CNTN5: variants seen among roughly 807,000 people sequenced by gnomAD.
CNTN5 encodes contactin 5.
A neutral mutation model predicts 129.1 loss-of-function variants in CNTN5; 77 were observed. The observed-to-expected ratio is 0.60, with a 90% confidence interval of 0.50 to 0.72. CNTN5 has a LOEUF of 0.72. Ranked by LOEUF, CNTN5 falls within the 30% of genes least tolerant of loss-of-function variation. The pLI is 0.00. For synonymous variants in CNTN5, 509 were observed against 465.6 expected (o/e 1.09, Z -1.20); for missense variants, 1,478 against 1,328.8 (o/e 1.11, Z -1.75).
chr11:99,396,911 C>A (rs1941554868), intron 2 of CNTN5, among the ~76,000 whole-genome samples: 1 of 151,556 alleles, frequency 6.6e-6, no homozygotes, highest in Admixed American at 6.6e-5. Flanking sequence ...TTTGGTATGC[C>A]TTTAATATGC....
chr11:99,710,976 A>AT (rs1251835870), intron 3 of CNTN5, among the ~76,000 whole-genome samples: 1 of 151,924 alleles, frequency 6.6e-6, no homozygotes, highest in African/African-American at 2.4e-5. Context: ...GCAAAGGAAA[A>AT]TTTTTTAGTA....
At chr11:99,537,876 G>A (rs917331860) in intron 2 of CNTN5, among the ~76,000 whole-genome samples, 1 of 152,164 alleles carries the variant, frequency 6.6e-6, no homozygotes, top group Non-Finnish European at 1.5e-5. Context: ...CTACTCTAAT[G>A]CTTTATCATT....
chr11:99,968,782 A>G (rs542358667), intron 8 of CNTN5, among the ~76,000 whole-genome samples: 2 of 145,316 alleles, frequency 1.4e-5, no homozygotes, highest in African/African-American at 5.0e-5. Context: ...AGAATTTTCA[A>G]TTATGGATAG....
At chr11:99,788,146 T>A (rs1945603864) in intron 3 of CNTN5, among the ~76,000 whole-genome samples, 1 of 152,002 alleles carries the variant, frequency 6.6e-6, no homozygotes, top group South Asian at 2.1e-4. Flanking sequence ...TTTTTCTGTA[T>A]CTTCCTCATA....
intron 2 of CNTN5, among the ~76,000 whole-genome samples, chr11:99,544,836 A>G (rs993904674): frequency 3.3e-5 from 5 of 152,224 alleles, no homozygotes; most frequent in African/African-American, 4.8e-5. Flanking sequence ...CTTGATCACA[A>G]TGCTTCTCAG....
intron 2 of CNTN5, among the ~76,000 whole-genome samples, chr11:99,402,718 G>A (rs986209077): frequency 1.1e-4 from 17 of 152,132 alleles, no homozygotes; most frequent in Admixed American, 2.0e-4. Flanking sequence ...TTCTTTACTG[G>A]GAGACTTTAT....
At chr11:99,789,775 T>A (rs1167102804) in intron 3 of CNTN5, among the ~76,000 whole-genome samples, 1 of 152,062 alleles carries the variant, frequency 6.6e-6, no homozygotes, top group African/African-American at 2.4e-5. Context: ...GAAAATTTTT[T>A]ATTTCATTTT....
At chr11:99,036,036 G>C (rs1009247123) in intron 1 of CNTN5, among the ~76,000 whole-genome samples, 1 of 151,952 alleles carries the variant, frequency 6.6e-6, no homozygotes, top group African/African-American at 2.4e-5. Flanking sequence ...ATGAAGCTTA[G>C]TTTGGCTGGA....
chr11:99,164,988 G>A (rs1461708282), intron 1 of CNTN5, among the ~76,000 whole-genome samples: 1 of 151,974 alleles, frequency 6.6e-6, no homozygotes, highest in Non-Finnish European at 1.5e-5. Context: ...AACTAATATG[G>A]GCAATACAAC....
intron 9 of CNTN5, among the ~76,000 whole-genome samples, chr11:100,030,129 C>T (rs1274980557): frequency 2.6e-5 from 4 of 151,974 alleles, no homozygotes; most frequent in Non-Finnish European, 5.9e-5. Flanking sequence ...AATCCCAGCA[C>T]TTTGGGTGAC....
intron 2 of CNTN5, among the ~76,000 whole-genome samples, chr11:99,525,822 G>C (rs1947462616): frequency 6.6e-6 from 1 of 152,128 alleles, no homozygotes. Context: ...TGTTCAGATA[G>C]TTTTATTATT....
At chr11:99,205,070 T>G (rs1016795504) in intron 1 of CNTN5, among the ~76,000 whole-genome samples, 1 of 152,110 alleles carries the variant, frequency 6.6e-6, no homozygotes, top group Non-Finnish European at 1.5e-5. Context: ...AAAATCAAAC[T>G]TACCAATAAT....
At chr11:100,290,640 A>T (rs542180670) in intron 18 of CNTN5, among the ~76,000 whole-genome samples, 1 of 145,700 alleles carries the variant, frequency 6.9e-6, no homozygotes, top group South Asian at 2.3e-4. Flanking sequence ...GTTAGACCTA[A>T]AACCATAAAA....
intron 3 of CNTN5, among the ~76,000 whole-genome samples, chr11:99,576,476 T>G (rs995361149): frequency 1.3e-5 from 2 of 152,228 alleles, no homozygotes; most frequent in Non-Finnish European, 2.9e-5. Flanking sequence ...ATTGATGTTT[T>G]TCTTTCAGTA....
intron 2 of CNTN5, among the ~76,000 whole-genome samples, chr11:99,548,547 C>T (rs1191453291): frequency 2.0e-5 from 3 of 152,226 alleles, no homozygotes; most frequent in South Asian, 2.1e-4. Context: ...CAGTCAGTTA[C>T]GGGGAAGGTT....
chr11:99,856,941 T>A (rs1948053892), intron 6 of CNTN5, among the ~76,000 whole-genome samples: 2 of 152,144 alleles, frequency 1.3e-5, no homozygotes, highest in African/African-American at 4.8e-5. Flanking sequence ...GCTGGGCAAC[T>A]GTTCAATAAC....
intron 1 of CNTN5, among the ~76,000 whole-genome samples, chr11:99,201,383 T>TTCCTTCCTTCCTTCCTTCTTTCC (rs1859192868): frequency 3.8e-5 from 1 of 26,050 alleles, no homozygotes; most frequent in African/African-American, 2.0e-4. Context: ...TCCTTCCTTC[T>TTCCTTCCTTCCTTCCTTCTTTCC]TTCCTTCCTT....
At chr11:100,053,472 A>G (rs1264956518) in intron 9 of CNTN5, among the ~76,000 whole-genome samples, 7 of 151,778 alleles carry the variant, frequency 4.6e-5, no homozygotes, top group Non-Finnish European at 8.9e-5. Context: ...CATCCAAAGT[A>G]GCTCCAAGTT....
At chr11:100,074,054 A>G in intron 12 of CNTN5, 90 bp from the exon 13 acceptor site, 1 of 1,247,114 alleles carries the variant, frequency 8.0e-7, no homozygotes, top group Admixed American at 2.6e-5. Flanking sequence ...AATGCCTCCC[A>G]GAAGAAAAAG....
Sources: allele counts gnomAD v4.1 joint callset (sites outside exome capture counted in the v4.1 genomes callset), GRCh38; gene constraint gnomAD v4.1.1; transcripts MANE v1.5; gene names NCBI Gene and HGNC (gene_info 2026-07-23, HGNC 2026-07-21).